Variants in GPHN observed in about 807,000 individuals in gnomAD.
GPHN encodes gephyrin.
A neutral mutation model predicts 95.5 loss-of-function variants in GPHN; 17 were observed. The ratio of observed to expected loss-of-function variants is 0.18; its 90% CI spans 0.12 to 0.27. The LOEUF (loss-of-function observed/expected upper bound fraction) is 0.27, where lower values mean the gene tolerates loss of function less well. Ranked by LOEUF, GPHN falls within the 10% of genes least tolerant of loss-of-function variation. The pLI is 1.00. For synonymous variants in GPHN, 320 were observed against 322.5 expected, an observed-to-expected ratio of 0.99 and a Z score of 0.08; for missense variants, 660 against 978.1, an observed-to-expected ratio of 0.67 and a Z score of 4.34.
chr14:66,614,869 C>T (rs1252708432), intron 1 of GPHN, among the ~76,000 whole-genome samples: 2 of 152,020 alleles, frequency 1.3e-5, no homozygotes, highest in African/African-American at 4.8e-5. Context: ...TTCCCCTAAC[C>T]GCTCATCACC....
intron 10 of GPHN, among the ~76,000 whole-genome samples, chr14:67,025,020 C>T (rs1176205000): frequency 6.6e-6 from 1 of 152,042 alleles, no homozygotes; most frequent in Non-Finnish European, 1.5e-5. Context: ...TCCTCTGAGC[C>T]CCTTTGAACC....
At chr14:67,382,585 A>T in the GPHN span, 2 of 1,613,874 alleles carry the variant, frequency 1.2e-6, no homozygotes. Flanking sequence ...CAATGTTCAA[A>T]TGGAGGTGAG....
chr14:67,437,808 T>C, the GPHN span, among the ~76,000 whole-genome samples: 4 of 152,018 alleles, frequency 2.6e-5, no homozygotes, highest in East Asian at 1.9e-4. Context: ...TTTACCACGG[T>C]GGAGGAGACT....
At chr14:67,172,836 T>C (rs944374178) in intron 21 of GPHN, among the ~76,000 whole-genome samples, 1 of 152,154 alleles carries the variant, frequency 6.6e-6, no homozygotes, top group Non-Finnish European at 1.5e-5. Context: ...GCACAAAGTC[T>C]GGGATTCTAC....
At chr14:67,559,971 C>G in the GPHN span, among the ~76,000 whole-genome samples, 9 of 152,242 alleles carry the variant, frequency 5.9e-5, no homozygotes, top group Admixed American at 1.3e-4. Flanking sequence ...CAGTTTCTTT[C>G]TAGGAAGCCC....
At chr14:66,958,256 T>G (rs1451553072) in intron 8 of GPHN, among the ~76,000 whole-genome samples, 2 of 152,184 alleles carry the variant, frequency 1.3e-5, no homozygotes, top group Non-Finnish European at 1.5e-5. Flanking sequence ...TTATAACAGT[T>G]TTGGCTTCAA....
At chr14:66,838,768 C>A (rs544278976) in intron 4 of GPHN, among the ~76,000 whole-genome samples, 298 of 152,088 alleles carry the variant, frequency 2.0e-3, no homozygotes, top group African/African-American at 6.7e-3. Flanking sequence ...ATTAGGTATC[C>A]ATCTATGAAA....
intron 9 of GPHN, among the ~76,000 whole-genome samples, chr14:67,010,444 C>T (rs896031207): frequency 6.0e-5 from 9 of 149,582 alleles, no homozygotes; most frequent in Admixed American, 1.3e-4. Context: ...CCCAGTTACT[C>T]GGGAGGTTGA....
chr14:67,711,547 A>G, the GPHN span, among the ~76,000 whole-genome samples: 2 of 152,204 alleles, frequency 1.3e-5, no homozygotes, highest in African/African-American at 4.8e-5. Flanking sequence ...AATTAATTAG[A>G]GCTCTTTTAT....
At chr14:67,578,487 G>A in the GPHN span, 1 of 1,253,248 alleles carries the variant, frequency 8.0e-7, no homozygotes, top group South Asian at 1.3e-5. The surrounding 1 kb of genome is among the most constrained non-coding windows in gnomAD (Gnocchi z 5.0). Context: ...AGGACAGGTG[G>A]TGCTGTAGGC....
At chr14:67,299,468 AT>A in the GPHN span, among the ~76,000 whole-genome samples, 4 of 152,236 alleles carry the variant, frequency 2.6e-5, no homozygotes, top group East Asian at 5.8e-4. Context: ...AATTAAAAAA[AT>A]AATTAGTTTT....
chr14:67,546,639 C>A, the GPHN span, among the ~76,000 whole-genome samples: 1 of 152,238 alleles, frequency 6.6e-6, no homozygotes, highest in African/African-American at 2.4e-5. Flanking sequence ...ATCCACCCGC[C>A]TCAGCCTCCC....
intron 19 of GPHN, among the ~76,000 whole-genome samples, chr14:67,163,059 A>G (rs1226855041): frequency 6.6e-6 from 1 of 152,172 alleles, no homozygotes; most frequent in Non-Finnish European, 1.5e-5. Context: ...TAATCCCAGT[A>G]CTTTGGGAGG....
At chr14:66,653,516 G>A (rs896017069) in intron 1 of GPHN, among the ~76,000 whole-genome samples, 6 of 152,092 alleles carry the variant, frequency 3.9e-5, no homozygotes, top group Admixed American at 2.6e-4. Context: ...CACTGACCCA[G>A]TGAAGATAAA....
chr14:67,431,233 A>C, the GPHN span, among the ~76,000 whole-genome samples: 1 of 151,860 alleles, frequency 6.6e-6, no homozygotes, highest in African/African-American at 2.4e-5. Flanking sequence ...TCTCTACTAA[A>C]AATACAAAAA....
At chr14:67,631,028 G>A in the GPHN span, among the ~76,000 whole-genome samples, 1 of 152,090 alleles carries the variant, frequency 6.6e-6, no homozygotes, top group South Asian at 2.1e-4. Context: ...CCTCCCCTCT[G>A]ACAGTCCCTG....
intron 9 of GPHN, among the ~76,000 whole-genome samples, chr14:66,978,105 A>G (rs1215025882): frequency 6.6e-6 from 1 of 152,230 alleles, no homozygotes; most frequent in Non-Finnish European, 1.5e-5. Flanking sequence ...CCTTAATTAA[A>G]AAATACGTTA....
intron 1 of GPHN, among the ~76,000 whole-genome samples, chr14:66,644,577 A>T (rs1180410270): frequency 6.6e-6 from 1 of 152,164 alleles, no homozygotes; most frequent in Admixed American, 6.5e-5. Context: ...TATTTAAAGC[A>T]CTTTATTGAC....
chr14:66,683,396 T>A lies in GPHN; in HGVS notation c.143+2211T>A, dbSNP rs371093675. On this transcript the variant is annotated intron_variant, in intron 2 of 22. Coordinates refer to ENST00000478722, the MANE Select transcript of GPHN (RefSeq NM_020806.5). ...TATATATATGTTCATATATATATGT[T>A]CATATATATATATGTTCATATATAT... Among the ~76,000 whole-genome samples, 56 of 97,108 alleles carry A rather than the reference T, an allele frequency of 5.8e-4. 1 individual carries two copies. Among genetic ancestry groups the A allele is most frequent in the Middle Eastern group, 4.5e-3 (1 of 220 alleles). The allele number at this position is 97,108 out of a possible 152,430, so 63.7% of individuals were successfully genotyped here. A position where few individuals can be genotyped will look rare whatever the true frequency, so the allele number is the denominator to read the frequency against.
Sources: allele counts gnomAD v4.1 joint callset (sites outside exome capture counted in the v4.1 genomes callset), GRCh38; gene constraint gnomAD v4.1.1; non-coding constraint Gnocchi (gnomAD v3.1); transcripts MANE v1.5; gene names NCBI Gene and HGNC (gene_info 2026-07-23, HGNC 2026-07-21).